MGAT4B: variants seen among roughly 807,000 people sequenced by gnomAD.
The protein encoded by MGAT4B is alpha-1,3-mannosyl-glycoprotein 4-beta-N-acetylglucosaminyltransferase B.
MGAT4B carries 38 observed loss-of-function variants against 73.9 expected under a neutral mutation model. That is an observed-to-expected ratio of 0.51 (90% CI 0.40 to 0.67). The LOEUF is 0.67. Among genes scored for constraint, MGAT4B ranks in the 30% least tolerant of loss-of-function variants. MGAT4B has a pLI of 0.00. For missense variants in MGAT4B, 686 were observed against 735.2 expected, an observed-to-expected ratio of 0.93 and a Z score of 0.77; for synonymous variants, 373 against 313.5, an observed-to-expected ratio of 1.19 and a Z score of -2.01.
Position 179,802,627 on chromosome 5 carries a change from G to A in MGAT4B, c.98-658C>T, listed in dbSNP as rs188354548. On this transcript the variant is annotated intron_variant, in intron 1 of 14. Coordinates refer to ENST00000292591, the MANE Select transcript of MGAT4B (RefSeq NM_014275.5). ...CTGTGTCTCTGGAGACCTGTGCTGC[G>A]CCTGGGGCACCCTGAAGGGTCCGCA... 6.2e-5 allele frequency: 61 copies of A among 988,094 alleles called. No individual in the cohort carries two copies. The South Asian group carries it at 2.3e-3, about 37-fold the overall frequency. 61.2% of individuals were successfully genotyped at this position (988,094 alleles called of 1,614,324 possible).
chr5:179,801,119 G>A lies in MGAT4B; in HGVS notation c.559-166C>T. ...CCCCAGAGACGGCCCTTTCCCTTTG[G>A]GACTCGCATGGCCAAGGACTAGGGG... On this transcript the variant is annotated intron_variant, in intron 4 of 14. Coordinates refer to ENST00000292591, the MANE Select transcript of MGAT4B (RefSeq NM_014275.5). The surrounding 1 kb of genome is among the most constrained non-coding windows in gnomAD (Gnocchi z 4.8). 1 of 1,129,582 alleles carries A rather than the reference G, an allele frequency of 8.9e-7. No individual in the cohort carries two copies. Among genetic ancestry groups the A allele is most frequent in the South Asian group, 1.5e-5 (1 of 66,526 alleles). The allele number at this position is 1,129,582 out of a possible 1,614,324, so 70.0% of individuals were successfully genotyped here.
rs143182365 is a variant in MGAT4B at position 179,798,249 on chromosome 5, T to G, written c.1539A>C (p.Gly513=). The G allele has an allele frequency of 1.1e-5, 17 of 1,610,370 alleles. No homozygotes were observed. The highest frequency in any genetic ancestry group is 1.4e-5 in the Non-Finnish European group (17 of 1,178,372). Residue 513 remains glycine (G), a synonymous_variant, in exon 14 of 15, where the codon GGA becomes GGC. Coordinates refer to ENST00000292591, the MANE Select transcript of MGAT4B (RefSeq NM_014275.5). ...GAGGGCCGAAGGCTGGGTCCACCTC[T>G]CCCTCTGCCACTCCCTTGTAGAAGG... is the stretch of plus-strand genomic sequence containing the variant. The part of the protein sequence containing the change: ...IGSFYKGVAE[G]EVDPAFGPLE...
intron 9 of MGAT4B, 78 bp from the exon 10 acceptor site, chr5:179,799,388 G>C: frequency 6.2e-7 from 1 of 1,600,140 alleles, no homozygotes. Flanking sequence ...GACTACCAGG[G>C]CCCTCCCACA....
Position 179,799,947 on chromosome 5 carries a change from G to A in MGAT4B, c.910+7C>T, listed in dbSNP as rs772209032. 5.6e-6 allele frequency: 9 copies of A among 1,609,194 alleles called. 1 individual carries two copies. In the East Asian group the frequency reaches 6.7e-5, roughly 12 times the overall value. ...AAAGGCACCGTCAGGTAAGGGGAGG[G>A]GCACACCAATGAAGCCCAGCTGGGA... On this transcript the variant is annotated splice_region_variant and intron_variant, in intron 8 of 14. Transcript: ENST00000292591.
At chr5:179,802,064 C>G (rs755270666) in intron 1 of MGAT4B, 95 bp from the exon 2 acceptor site, 4 of 1,597,442 alleles carry the variant, frequency 2.5e-6, no homozygotes, top group Non-Finnish European at 2.6e-6. Flanking sequence ...GTGTCCACCT[C>G]TGCAATAGCT....
At position 179,806,106 on chromosome 5, in the gene MGAT4B, T is replaced by TGG. The variant is rs554136636; in HGVS notation, c.97+379_97+380dup. The TGG allele has an allele frequency of 3.3e-5, 5 of 150,418 alleles. No individual in the cohort carries two copies. The highest frequency in any genetic ancestry group is 1.2e-4 in the African/African-American group (5 of 40,824). The allele number at this position is 150,418 out of a possible 1,614,324, so 9.3% of individuals were successfully genotyped here. On this transcript the variant is annotated intron_variant, in intron 1 of 14. Coordinates refer to ENST00000292591, the MANE Select transcript of MGAT4B (RefSeq NM_014275.5). The surrounding 1 kb of genome is among the most constrained non-coding windows in gnomAD (Gnocchi z 4.6). ...CGGCGCGGGGCAGCAGGCAGCAGGG[T>TGG]GGGGGGGTGCCCTCGCGCCTGTGTC...
intron 1 of MGAT4B, chr5:179,802,333 C>CCGAGA: frequency 7.4e-7 from 1 of 1,349,546 alleles, no homozygotes; most frequent in Non-Finnish European, 9.5e-7. Flanking sequence ...CCAAAGCCCA[C>CCGAGA]TCTTGCTTTT....
chr5:179,805,445 G>A, intron 1 of MGAT4B: 1 of 152,646 alleles, frequency 6.6e-6, no homozygotes. Flanking sequence ...CCCGTGTCAG[G>A]CAGGCTCCCC....
intron 1 of MGAT4B, among the ~76,000 whole-genome samples, chr5:179,805,803 C>T (rs1361205823): frequency 6.6e-6 from 1 of 152,234 alleles, no homozygotes; most frequent in Non-Finnish European, 1.5e-5. Flanking sequence ...TCGGCCCCAC[C>T]ATCGCCAAGA....
At position 179,798,489 on chromosome 5, in the gene MGAT4B, G is replaced by A. The variant is rs1284891423; in HGVS notation, c.1422+24C>T. 4 of 1,613,248 alleles carry A rather than the reference G, an allele frequency of 2.5e-6. No homozygotes were observed. The Admixed American group carries it at 6.7e-5, about 27-fold the overall frequency. On this transcript the variant is annotated intron_variant, in intron 12 of 14. Transcript: ENST00000292591. The stretch of plus-strand genomic sequence containing the variant: ...TGGTCACAGGAGGCCCGGCTTCAGT[G>A]CACACCACACCCACCGAACTTACGT...
At chr5:179,802,862 C>T (rs996085021) in intron 1 of MGAT4B, 58 of 985,474 alleles carry the variant, frequency 5.9e-5, no homozygotes, top group African/African-American at 1.9e-4. Context: ...CTCTGCCAGG[C>T]GAGTCTCTGA....
At chr5:179,802,163 C>A in intron 1 of MGAT4B, 194 bp from the exon 2 acceptor site, 1 of 1,505,086 alleles carries the variant, frequency 6.6e-7, no homozygotes, top group Admixed American at 2.2e-5. Flanking sequence ...GGGGAGAAAA[C>A]CAGGGGAATT....
At chr5:179,802,092 G>A in intron 1 of MGAT4B, 123 bp from the exon 2 acceptor site, 2 of 1,570,386 alleles carry the variant, frequency 1.3e-6, no homozygotes, top group Non-Finnish European at 1.7e-6. Context: ...ATCTGTTCTT[G>A]TGCCTGCCAC....
Position 179,801,669 on chromosome 5 carries a change from G to A in MGAT4B, c.309C>T (p.Asn103=), listed in dbSNP as rs768392702. 5.0e-6 allele frequency: 8 copies of A among 1,607,766 alleles called. No homozygotes were observed. Among genetic ancestry groups the A allele is most frequent in the South Asian group, 1.1e-5 (1 of 89,790 alleles). ...LTEDPRLKPW[N]GSHRHVLHLP... The stretch of plus-strand genomic sequence containing the variant: ...GGTGCAGCACGTGCCGGTGTGAGCC[G>A]TTCCACGGCTTCAATCGGGGGTCCT... The change falls in exon 3 of 15, where the codon AAC becomes AAT. Residue 103 remains asparagine (N), a synonymous_variant. Transcript: ENST00000292591. This position sits in a 1 kb window ranked among gnomAD's most constrained non-coding sequence, Gnocchi z 4.8.
chr5:179,798,337 C>G lies in MGAT4B; in HGVS notation c.1510+10G>C. ...ACCCCAGCCCACGCTCTCCCCCAAA[C>G]CCTACCCACCGATCTGGAGGTAGCC... On this transcript the variant is annotated intron_variant, in intron 13 of 14. Coordinates refer to ENST00000292591, the MANE Select transcript of MGAT4B (RefSeq NM_014275.5). 6.2e-7 allele frequency: 1 copy of G among 1,613,114 alleles called. No individual in the cohort carries two copies. The highest frequency in any genetic ancestry group is 8.5e-7 in the Non-Finnish European group (1 of 1,180,000).
Position 179,800,283 on chromosome 5 carries a change from G to T in MGAT4B, c.720-24C>A, listed in dbSNP as rs760140998. 6 of 1,612,520 alleles carry T rather than the reference G, an allele frequency of 3.7e-6. No homozygotes were observed. The South Asian group carries it at 6.6e-5, about 18-fold the overall frequency. ...ACCTGTGGGCCGGGGCGGGGCCTCA[G>T]AAGTTCAGACCCCTCCACCTCCATT... On this transcript the variant is annotated intron_variant, in intron 6 of 14. Coordinates refer to ENST00000292591, the MANE Select transcript of MGAT4B (RefSeq NM_014275.5).
Position 179,798,331 on chromosome 5 carries a change from C to A in MGAT4B, c.1510+16G>T. On this transcript the variant is annotated intron_variant, in intron 13 of 14. Transcript: ENST00000292591. ...CCCTGAACCCCAGCCCACGCTCTCC[C>A]CCAAACCCTACCCACCGATCTGGAG... The A allele has an allele frequency of 6.2e-7, 1 of 1,613,098 alleles. No individual in the cohort carries two copies.
chr5:179,798,475 G>A (rs757836393), intron 12 of MGAT4B, 38 bp downstream of exon 12: 1 of 1,613,200 alleles, frequency 6.2e-7, no homozygotes, highest in East Asian at 2.2e-5. Flanking sequence ...GGTCACAGGA[G>A]GCCCGGCTTC....
intron 5 of MGAT4B, 105 bp from the exon 6 acceptor site, chr5:179,800,702 C>T (rs1357714023): frequency 2.8e-6 from 3 of 1,074,268 alleles, no homozygotes; most frequent in Non-Finnish European, 2.8e-6. Flanking sequence ...TGCCAGCCCC[C>T]CACCACCCCC....
Sources: gnomAD v4.1 joint callset for allele counts (sites outside exome capture counted in the v4.1 genomes callset) on GRCh38, gnomAD v4.1.1 for gene constraint, Gnocchi (gnomAD v3.1) non-coding constraint, MANE v1.5 for transcripts, NCBI Gene and HGNC (gene_info 2026-07-23, HGNC 2026-07-21) for gene names.